GLIS3: variants seen among roughly 807,000 people sequenced by gnomAD.
GLIS3 encodes GLIS family zinc finger 3.
GLIS3 carries 53 observed loss-of-function variants against 78.6 expected under a neutral mutation model. The observed-to-expected ratio is 0.67, with a 90% confidence interval of 0.54 to 0.85. GLIS3 has a LOEUF of 0.85. GLIS3 is among the 40% of genes least tolerant of loss of function. The probability of loss-of-function intolerance (pLI) is 0.00; values close to 1 mark genes in which losing one functional copy is unlikely to be tolerated. For synonymous variants in GLIS3, 684 were observed against 509.9 expected (o/e 1.34, Z -4.60); for missense variants, 1,703 against 1,231.1 (o/e 1.38, Z -5.74).
At chr9:4,185,151 C>T (rs1817673824) in intron 2 of GLIS3, among the ~76,000 whole-genome samples, 1 of 152,198 alleles carries the variant, frequency 6.6e-6, no homozygotes, top group African/African-American at 2.4e-5. Context: ...AACTTTCCGT[C>T]CCTATCAATT....
intron 3 of GLIS3, 143 bp from the exon 4 acceptor site, chr9:4,119,024 G>A: frequency 1.1e-6 from 1 of 893,496 alleles, no homozygotes; most frequent in Non-Finnish European, 1.7e-6. Context: ...ACACATTCTT[G>A]GGCTAAGATA....
At position 3,989,784 on chromosome 9, in the gene GLIS3, T is replaced by C. The variant is rs188305086; in HGVS notation, c.1711-52595A>G. ...TAAAGGGAAATAGGATAGATATTAGTGGTGCTGGAAATGCTTAGTATCTCA... is the reference window on the plus strand; with the variant it reads ...TAAAGGGAAATAGGATAGATATTAGCGGTGCTGGAAATGCTTAGTATCTCA... On this transcript the variant is annotated intron_variant, in intron 4 of 10. Coordinates refer to ENST00000381971, the MANE Select transcript of GLIS3 (RefSeq NM_001042413.2). 2.3e-4 allele frequency among the ~76,000 whole-genome samples: 35 copies of C among 152,304 alleles called. 1 individual carries two copies. In the East Asian group the frequency reaches 6.2e-3, roughly 27 times the overall value.
chr9:4,374,131 C>T, the GLIS3 span, among the ~76,000 whole-genome samples: 1 of 152,166 alleles, frequency 6.6e-6, no homozygotes, highest in Non-Finnish European at 1.5e-5. Context: ...AATTTTGCTA[C>T]TGAAGGGCAG....
chr9:4,356,709 A>G, the GLIS3 span, among the ~76,000 whole-genome samples: 2 of 152,246 alleles, frequency 1.3e-5, no homozygotes, highest in African/African-American at 4.8e-5. Flanking sequence ...ATGAAATCGC[A>G]TGACTATTAG....
At chr9:4,187,812 T>C (rs1817949208) in intron 2 of GLIS3, among the ~76,000 whole-genome samples, 1 of 152,152 alleles carries the variant, frequency 6.6e-6, no homozygotes, top group African/African-American at 2.4e-5. Flanking sequence ...GTTATTGGTG[T>C]ATAAGAATGC....
the GLIS3 span, among the ~76,000 whole-genome samples, chr9:4,483,525 C>T: frequency 5.3e-5 from 8 of 152,068 alleles, no homozygotes; most frequent in East Asian, 3.9e-4. Context: ...TGAGACCAGC[C>T]TGACCAACAT....
At chr9:4,360,692 C>CT in the GLIS3 span, among the ~76,000 whole-genome samples, 3 of 152,280 alleles carry the variant, frequency 2.0e-5, no homozygotes, top group Admixed American at 6.5e-5. Context: ...TGAACCAATC[C>CT]TTTTTTATTC....
chr9:4,474,022 CT>C, the GLIS3 span, among the ~76,000 whole-genome samples: 50,865 of 151,966 alleles, frequency 0.33, 9,725 homozygotes, highest in Middle Eastern at 0.48. Context: ...CAGTTCCCCC[CT>C]AAAGCTATCT....
chr9:4,472,392 T>C, the GLIS3 span, among the ~76,000 whole-genome samples: 1 of 151,988 alleles, frequency 6.6e-6, no homozygotes, highest in East Asian at 1.9e-4. Context: ...ATTAAGAAAA[T>C]GTGGCACATA....
At chr9:4,036,001 C>T (rs1824266072) in intron 4 of GLIS3, 1 of 152,294 alleles carries the variant, frequency 6.6e-6, no homozygotes, top group African/African-American at 2.4e-5. Context: ...TACCAGATGA[C>T]TTGGCCTTGA....
Position 4,286,278 on chromosome 9 carries a change from T to C in GLIS3, c.148A>G (p.Thr50Ala), listed in dbSNP as rs759103766. The C allele has an allele frequency of 3.1e-6, 5 of 1,614,220 alleles. No individual in the cohort carries two copies. Among genetic ancestry groups the C allele is most frequent in the Admixed American group, 3.3e-5 (2 of 60,028 alleles). ...AGGTTGTTAGCAAGGCTTGCCATAG[T>C]GGGACTCGATGTGCTGCCACAGGGC... ...PSPCGSTSSP[T>A]MASLANNLHL... The change falls in exon 2 of 11, where the codon ACT becomes GCT. Residue 50 changes from threonine to alanine, a missense_variant. Coordinates refer to ENST00000381971, the MANE Select transcript of GLIS3 (RefSeq NM_001042413.2).
chr9:4,054,576 C>T (rs768498779), intron 4 of GLIS3: 28 of 698,262 alleles, frequency 4.0e-5, no homozygotes, highest in Non-Finnish European at 4.8e-5. Flanking sequence ...TCACACCAGT[C>T]ACAAAGCTGC....
At chr9:4,474,980 T>C in the GLIS3 span, among the ~76,000 whole-genome samples, 11 of 145,732 alleles carry the variant, frequency 7.5e-5, no homozygotes, top group East Asian at 5.9e-4. Flanking sequence ...AATTGGACTA[T>C]GTTAATTTTT....
At chr9:4,447,512 C>A in the GLIS3 span, among the ~76,000 whole-genome samples, 3 of 152,140 alleles carry the variant, frequency 2.0e-5, no homozygotes, top group African/African-American at 7.2e-5. Flanking sequence ...TTTCATTTAT[C>A]CCATAGTATT....
intron 2 of GLIS3, among the ~76,000 whole-genome samples, chr9:4,227,747 A>T (rs973984018): frequency 3.3e-5 from 5 of 152,252 alleles, no homozygotes; most frequent in African/African-American, 1.2e-4. Context: ...GCATAAAGTC[A>T]GGTGAAGCCA....
At chr9:4,019,432 T>C (rs187298691) in intron 4 of GLIS3, among the ~76,000 whole-genome samples, 4 of 152,266 alleles carry the variant, frequency 2.6e-5, no homozygotes, top group African/African-American at 9.6e-5. Context: ...CTATGTATAT[T>C]TTTTCAGCAC....
In GLIS3 at chr9:3,828,282, G is replaced by C. The variant is rs746600042; in HGVS notation, c.2783C>G (p.Thr928Ser). ...RCPSQLSSVYTEG is the reference protein window; with the variant it reads ...RCPSQLSSVYSEG ...TGGCCAAGAGAGCTTTTAGCCTTCGGTGTAGACAGAGGAGAGCTGGCTAGG... is the reference window on the plus strand; with the variant it reads ...TGGCCAAGAGAGCTTTTAGCCTTCGCTGTAGACAGAGGAGAGCTGGCTAGG... Residue 928 changes from threonine (T) to serine (S), a missense_variant, in exon 11 of 11, where the codon ACC becomes AGC. By Grantham distance (58) the Thr-to-Ser change is moderately conservative. Coordinates refer to ENST00000381971, the MANE Select transcript of GLIS3 (RefSeq NM_001042413.2). The C allele has an allele frequency of 6.2e-7, 1 of 1,614,108 alleles. No individual in the cohort carries two copies. Among genetic ancestry groups the C allele is most frequent in the Admixed American group, 1.7e-5 (1 of 60,030 alleles).
At chr9:4,430,915 C>T in the GLIS3 span, among the ~76,000 whole-genome samples, 1 of 152,140 alleles carries the variant, frequency 6.6e-6, no homozygotes, top group Non-Finnish European at 1.5e-5. Flanking sequence ...TTGTCACAAA[C>T]TGCTCTTTCA....
At chr9:4,010,287 C>A (rs569660166) in intron 4 of GLIS3, among the ~76,000 whole-genome samples, 1 of 152,288 alleles carries the variant, frequency 6.6e-6, no homozygotes, top group Non-Finnish European at 1.5e-5. Flanking sequence ...AGTTATTCGA[C>A]CTGATGTGCT....
Sources: gnomAD v4.1 joint callset for allele counts (sites outside exome capture counted in the v4.1 genomes callset) on GRCh38, gnomAD v4.1.1 for gene constraint, MANE v1.5 for transcripts, NCBI Gene and HGNC (gene_info 2026-07-23, HGNC 2026-07-21) for gene names.